Variants in C12orf42 observed in about 807,000 individuals in gnomAD.
C12orf42 encodes chromosome 12 open reading frame 42, also known as uncharacterized protein C12orf42.
C12orf42 carries 25 observed loss-of-function variants against 21.6 expected under a neutral mutation model. The observed-to-expected ratio is 1.16, with a 90% CI of 0.84 to 1.62. The LOEUF is 1.62. C12orf42 is among the 40% of genes most tolerant of loss of function. The probability of loss-of-function intolerance (pLI) is 0.00; values close to 1 mark genes in which losing one functional copy is unlikely to be tolerated. For missense variants in C12orf42, 483 were observed against 459.3 expected (o/e 1.05, Z -0.47); for synonymous variants, 174 against 175.0 (o/e 0.99, Z 0.05).
chr12:103,411,920 G>A (rs1207322716), intron 2 of C12orf42, among the ~76,000 whole-genome samples: 1 of 152,124 alleles, frequency 6.6e-6, no homozygotes, highest in Non-Finnish European at 1.5e-5. Flanking sequence ...GACTTAAAAA[G>A]TTTATTTGAA....
At chr12:103,305,765 C>T (rs2038233696) in intron 5 of C12orf42, among the ~76,000 whole-genome samples, 1 of 152,148 alleles carries the variant, frequency 6.6e-6, no homozygotes, top group Non-Finnish European at 1.5e-5. Flanking sequence ...CATCAAATTA[C>T]CTGTCATCAA....
chr12:103,530,750 G>A, the C12orf42 span, among the ~76,000 whole-genome samples: 8 of 152,016 alleles, frequency 5.3e-5, no homozygotes, highest in East Asian at 7.7e-4. Context: ...GAATAAATTC[G>A]TTCACCTAGA....
At chr12:103,225,762 A>G in the C12orf42 span, among the ~76,000 whole-genome samples, 7 of 152,210 alleles carry the variant, frequency 4.6e-5, no homozygotes, top group Admixed American at 3.9e-4. Context: ...CCTGACCATC[A>G]ATACCCACAA....
At chr12:103,556,571 A>G in the C12orf42 span, among the ~76,000 whole-genome samples, 1 of 152,146 alleles carries the variant, frequency 6.6e-6, no homozygotes, top group African/African-American at 2.4e-5. Context: ...AGTAGAATTA[A>G]CCTGGTTATG....
chr12:103,079,281 A>G, the C12orf42 span, among the ~76,000 whole-genome samples: 1 of 152,188 alleles, frequency 6.6e-6, no homozygotes, highest in Non-Finnish European at 1.5e-5. Context: ...GACTCTGAAC[A>G]GAGTCAAGCT....
the C12orf42 span, among the ~76,000 whole-genome samples, chr12:103,162,097 C>T: frequency 6.6e-6 from 1 of 152,180 alleles, no homozygotes; most frequent in Non-Finnish European, 1.5e-5. Context: ...CCAACATTGG[C>T]TCCTTTCTAT....
At chr12:103,496,986 T>C (rs547020405), upstream of C12orf42, among the ~76,000 whole-genome samples, 1 of 152,300 alleles carries the variant, frequency 6.6e-6, no homozygotes, top group South Asian at 2.1e-4. Flanking sequence ...ATTGACCCTA[T>C]GTTCATCTTT....
At chr12:103,392,563 T>G (rs906091844) in intron 3 of C12orf42, among the ~76,000 whole-genome samples, 2 of 152,130 alleles carry the variant, frequency 1.3e-5, no homozygotes, top group Non-Finnish European at 2.9e-5. Flanking sequence ...AATTTATTCC[T>G]AAGTATTTTA....
At chr12:103,251,841 A>G (rs2034320927) in intron 10 of C12orf42, among the ~76,000 whole-genome samples, 1 of 152,242 alleles carries the variant, frequency 6.6e-6, no homozygotes, top group South Asian at 2.1e-4. Context: ...ATATAAGCAT[A>G]TAAGACCTTC....
chr12:103,459,159 G>A (rs1248824667), intron 2 of C12orf42, among the ~76,000 whole-genome samples: 1 of 152,160 alleles, frequency 6.6e-6, no homozygotes, highest in African/African-American at 2.4e-5. Flanking sequence ...TTCCCAGGAA[G>A]GGCTCATCTC....
At chr12:103,370,902 T>A (rs2045159743) in intron 3 of C12orf42, among the ~76,000 whole-genome samples, 1 of 151,982 alleles carries the variant, frequency 6.6e-6, no homozygotes, top group African/African-American at 2.4e-5. Flanking sequence ...ATTAATAATA[T>A]AAATAAATAA....
chr12:103,222,578 C>T, the C12orf42 span, among the ~76,000 whole-genome samples: 30 of 152,226 alleles, frequency 2.0e-4, no homozygotes, highest in East Asian at 4.4e-3. Flanking sequence ...ATGTTCATGG[C>T]GTGTGCAGAT....
intron 1 of C12orf42, among the ~76,000 whole-genome samples, chr12:103,489,240 C>T (rs1955030793): frequency 6.6e-6 from 1 of 152,192 alleles, no homozygotes; most frequent in Non-Finnish European, 1.5e-5. Context: ...TACTGGAGGT[C>T]CACTCCAGAC....
downstream of C12orf42, among the ~76,000 whole-genome samples, chr12:103,266,604 AT>A (rs80244051): frequency 3.3e-5 from 5 of 151,262 alleles, no homozygotes; most frequent in African/African-American, 9.7e-5. Context: ...TATCTCTTCC[AT>A]TTTTTTTTAA....
chr12:103,537,829 T>C, the C12orf42 span, among the ~76,000 whole-genome samples: 14 of 152,208 alleles, frequency 9.2e-5, no homozygotes, highest in Non-Finnish European at 1.5e-4. Context: ...TTCAGAATAG[T>C]TGGATAATAT....
chr12:103,233,820 T>A (rs999774055), downstream of C12orf42, among the ~76,000 whole-genome samples: 3 of 152,214 alleles, frequency 2.0e-5, no homozygotes. Flanking sequence ...TTTATTTTGT[T>A]CTTATTGCAT....
At chr12:103,341,211 AGGCATGGT>A (rs1372473649) in intron 4 of C12orf42, among the ~76,000 whole-genome samples, 1 of 151,878 alleles carries the variant, frequency 6.6e-6, no homozygotes, top group Non-Finnish European at 1.5e-5. Context: ...AAATATTGCC[AGGCATGGT>A]GGCACATGCC....
At chr12:103,105,676 T>C in the C12orf42 span, among the ~76,000 whole-genome samples, 3 of 152,142 alleles carry the variant, frequency 2.0e-5, no homozygotes, top group South Asian at 6.2e-4. Context: ...AAATGTAAAA[T>C]AGACTGAAAA....
chr12:103,563,360 TG>T, the C12orf42 span, among the ~76,000 whole-genome samples: 16 of 152,196 alleles, frequency 1.1e-4, no homozygotes, highest in East Asian at 5.8e-4. Flanking sequence ...GATCTAGAAT[TG>T]TTTTGGTGGT....
Sources: gnomAD v4.1 joint callset for allele counts (sites outside exome capture counted in the v4.1 genomes callset) on GRCh38, gnomAD v4.1.1 for gene constraint, MANE v1.5 for transcripts, NCBI Gene and HGNC (gene_info 2026-07-23, HGNC 2026-07-21) for gene names.